The following KCNMA1 variants were observed in gnomAD, a reference collection of about 807,000 sequenced individuals.
The protein encoded by KCNMA1 is potassium calcium-activated channel subfamily M alpha 1.
In KCNMA1, 29 loss-of-function variants were observed where a neutral mutation model predicts 140.0. That is an observed-to-expected ratio of 0.21 (90% CI 0.15 to 0.28). The LOEUF (loss-of-function observed/expected upper bound fraction) is 0.28, where lower values mean the gene tolerates loss of function less well. Ranked by LOEUF, KCNMA1 falls within the 10% of genes least tolerant of loss-of-function variation. The probability of loss-of-function intolerance (pLI) is 1.00; values close to 1 mark genes in which losing one functional copy is unlikely to be tolerated. For synonymous variants in KCNMA1, 612 were observed against 611.9 expected, an observed-to-expected ratio of 1.00 and a Z score of 0.00; for missense variants, 880 against 1,602.2, an observed-to-expected ratio of 0.55 and a Z score of 7.70.
At chr10:77,188,580 G>A (rs917067984) in intron 3 of KCNMA1, among the ~76,000 whole-genome samples, 2 of 152,156 alleles carry the variant, frequency 1.3e-5, no homozygotes, top group African/African-American at 4.8e-5. Context: ...TAAATGTTCA[G>A]TTGTAGGGTA....
At chr10:76,966,457 CT>C (rs2073959416) in intron 20 of KCNMA1, among the ~76,000 whole-genome samples, 1 of 152,100 alleles carries the variant, frequency 6.6e-6, no homozygotes, top group South Asian at 2.1e-4. Flanking sequence ...ATCAAGTGTA[CT>C]TTTTATTTTT....
intron 14 of KCNMA1, chr10:77,071,428 AC>A (rs1199256714): frequency 6.6e-6 from 1 of 152,228 alleles, no homozygotes; most frequent in Non-Finnish European, 1.5e-5. Flanking sequence ...CTGGAAGAAA[AC>A]CACCAGAGCT....
chr10:77,006,411 G>C (rs1593380579), intron 18 of KCNMA1, among the ~76,000 whole-genome samples: 2 of 152,156 alleles, frequency 1.3e-5, no homozygotes, highest in Non-Finnish European at 2.9e-5. Flanking sequence ...CTCTTCATGG[G>C]CTCTGCAGCA....
intron 7 of KCNMA1, among the ~76,000 whole-genome samples, chr10:77,110,639 G>A (rs1185234694): frequency 1.3e-5 from 2 of 152,190 alleles, no homozygotes; most frequent in Non-Finnish European, 2.9e-5. Flanking sequence ...TAAAATGTGG[G>A]AAGCCAGCTA....
chr10:77,539,692 C>T (rs555967152), intron 1 of KCNMA1, among the ~76,000 whole-genome samples: 32 of 152,290 alleles, frequency 2.1e-4, no homozygotes, highest in African/African-American at 7.5e-4. Flanking sequence ...GTCTGTGGGC[C>T]CTGGGCTTGG....
intron 1 of KCNMA1, among the ~76,000 whole-genome samples, chr10:77,620,363 C>T (rs951941806): frequency 6.6e-6 from 1 of 152,180 alleles, no homozygotes; most frequent in African/African-American, 2.4e-5. Flanking sequence ...GTGCAAGACG[C>T]TCTGCTGACA....
At chr10:77,635,083 T>A (rs1225627432) in intron 1 of KCNMA1, 1 of 152,266 alleles carries the variant, frequency 6.6e-6, no homozygotes. Context: ...CTTCCAGTTA[T>A]GTCCACTCAG....
intron 2 of KCNMA1, among the ~76,000 whole-genome samples, chr10:77,396,433 A>C (rs1202931158): frequency 6.6e-6 from 1 of 152,138 alleles, no homozygotes; most frequent in East Asian, 1.9e-4. Flanking sequence ...TCCATAGGGC[A>C]CCTAACAGAA....
At chr10:77,317,303 G>A (rs1254394817) in intron 2 of KCNMA1, among the ~76,000 whole-genome samples, 2 of 152,156 alleles carry the variant, frequency 1.3e-5, no homozygotes, top group South Asian at 2.1e-4. Flanking sequence ...CCTTCTTGCT[G>A]AAACCCTATT....
chr10:77,382,992 GTGTA>G (rs1348543774), intron 2 of KCNMA1, among the ~76,000 whole-genome samples: 3,171 of 43,828 alleles, frequency 0.072, 29 homozygotes, highest in Non-Finnish European at 0.091. Flanking sequence ...GTGTGTGTGT[GTGTA>G]TATATATATA....
chr10:76,951,116 T>C (rs557700482), intron 21 of KCNMA1, among the ~76,000 whole-genome samples: 1 of 152,080 alleles, frequency 6.6e-6, no homozygotes, highest in African/African-American at 2.4e-5. Context: ...GGGCCCAGGG[T>C]GGAAGTGAAT....
chr10:77,507,835 C>T (rs1485408121), intron 1 of KCNMA1, among the ~76,000 whole-genome samples: 1 of 152,228 alleles, frequency 6.6e-6, no homozygotes, highest in East Asian at 1.9e-4. Context: ...AAAACATGTG[C>T]ATCCTTTGGC....
intron 14 of KCNMA1, among the ~76,000 whole-genome samples, chr10:77,052,515 C>T (rs928875062): frequency 1.3e-5 from 2 of 151,766 alleles, no homozygotes; most frequent in East Asian, 1.9e-4. Context: ...TCGTACCTGT[C>T]GTTCTCCTTC....
intron 1 of KCNMA1, among the ~76,000 whole-genome samples, chr10:77,522,970 G>T (rs978931613): frequency 6.6e-6 from 1 of 152,054 alleles, no homozygotes; most frequent in East Asian, 1.9e-4. Flanking sequence ...CCCATCAAGG[G>T]GCAGATTCCT....
At chr10:77,445,487 C>A (rs757568257) in intron 1 of KCNMA1, among the ~76,000 whole-genome samples, 1 of 152,082 alleles carries the variant, frequency 6.6e-6, no homozygotes, top group Non-Finnish European at 1.5e-5. Flanking sequence ...CCAATTGCAA[C>A]AAGGTCCAAG....
At chr10:77,030,130 A>G (rs568453016) in intron 15 of KCNMA1, among the ~76,000 whole-genome samples, 4 of 152,294 alleles carry the variant, frequency 2.6e-5, no homozygotes, top group Admixed American at 2.6e-4. Context: ...AGACAGTCAG[A>G]TGTCAAAGGA....
At chr10:76,990,388 C>A (rs2082392812) in intron 19 of KCNMA1, among the ~76,000 whole-genome samples, 1 of 152,228 alleles carries the variant, frequency 6.6e-6, no homozygotes, top group African/African-American at 2.4e-5. Context: ...CCAACAAGAT[C>A]TCTCAGTTCA....
At chr10:77,113,393 T>C (rs562553257) in intron 6 of KCNMA1, among the ~76,000 whole-genome samples, 1 of 152,306 alleles carries the variant, frequency 6.6e-6, no homozygotes, top group Non-Finnish European at 1.5e-5. Flanking sequence ...ACATTAAATT[T>C]TGTGTGAACC....
chr10:76,944,613 G>A (rs1337425177), intron 23 of KCNMA1, among the ~76,000 whole-genome samples, 160 bp downstream of exon 23: 1 of 152,218 alleles, frequency 6.6e-6, no homozygotes, highest in Non-Finnish European at 1.5e-5. Flanking sequence ...ATGGAAAGAA[G>A]AGGCAGCAGA....
Sources: gnomAD v4.1 joint callset for allele counts (sites outside exome capture counted in the v4.1 genomes callset) on GRCh38, gnomAD v4.1.1 for gene constraint, MANE v1.5 for transcripts, NCBI Gene and HGNC (gene_info 2026-07-23, HGNC 2026-07-21) for gene names.